The following CADM1 variants were observed in gnomAD, a reference collection of about 807,000 sequenced individuals.
CADM1 encodes cell adhesion molecule 1, also known as TSLC-1.
CADM1 carries 15 observed loss-of-function variants against 53.1 expected under a neutral mutation model. That is an observed-to-expected ratio of 0.28 (90% confidence interval 0.19 to 0.44). CADM1 has a LOEUF of 0.44. CADM1 is among the 20% of genes least tolerant of loss of function. The pLI is 1.00. For missense variants in CADM1, 434 were observed against 611.3 expected, an observed-to-expected ratio of 0.71 and a Z score of 3.06; for synonymous variants, 281 against 243.0, an observed-to-expected ratio of 1.16 and a Z score of -1.45.
intron 1 of CADM1, among the ~76,000 whole-genome samples, chr11:115,268,994 C>A (rs908547958): frequency 6.6e-6 from 1 of 152,156 alleles, no homozygotes; most frequent in African/African-American, 2.4e-5. Context: ...GGTAAACATG[C>A]TTGGGTGTCA....
chr11:115,347,958 C>T (rs4938200), intron 1 of CADM1, among the ~76,000 whole-genome samples: 49,013 of 151,964 alleles, frequency 0.32, 9,015 homozygotes, highest in Non-Finnish European at 0.43. Context: ...AAAAATAAGG[C>T]GAACATATGA....
intron 7 of CADM1, among the ~76,000 whole-genome samples, chr11:115,210,439 C>CCTCT (rs1365948082): frequency 6.6e-6 from 1 of 152,136 alleles, no homozygotes; most frequent in Non-Finnish European, 1.5e-5. Context: ...GATAGGGAAC[C>CCTCT]CTCTGTCAGA....
Position 115,434,695 on chromosome 11 carries a change from G to T in CADM1, c.124+69576C>A, listed in dbSNP as rs538379123. ...TTGGTCACCATCAGCCCTTCCTGTG[G>T]CTGGTTTTCACCTCTCCCCCTTGCC... On this transcript the variant is annotated intron_variant, in intron 1 of 11. Transcript: ENST00000331581. 7.9e-5 allele frequency among the ~76,000 whole-genome samples: 12 copies of T among 152,078 alleles called. No homozygotes were observed. The South Asian group carries it at 2.3e-3, about 29-fold the overall frequency.
chr11:115,191,134 G>A, intron 9 of CADM1, 193 bp from the exon 10 acceptor site: 1 of 573,186 alleles, frequency 1.7e-6, no homozygotes, highest in Non-Finnish European at 3.1e-6. Context: ...ACGCAATCGA[G>A]GCAGAAAGAT....
At chr11:115,423,030 GT>G (rs34396473) in intron 1 of CADM1, among the ~76,000 whole-genome samples, 2,344 of 142,074 alleles carry the variant, frequency 0.016, 54 homozygotes, top group African/African-American at 0.055. Context: ...GCTACGGTCT[GT>G]TTTTTTTTTT....
intron 1 of CADM1, among the ~76,000 whole-genome samples, chr11:115,342,360 G>A (rs1384704630): frequency 6.6e-6 from 1 of 152,150 alleles, no homozygotes; most frequent in Non-Finnish European, 1.5e-5. Flanking sequence ...GTAGTATCAT[G>A]TTTCTGAGAG....
intron 1 of CADM1, among the ~76,000 whole-genome samples, chr11:115,267,896 G>A (rs1011838543): frequency 2.6e-5 from 4 of 151,782 alleles, no homozygotes; most frequent in East Asian, 1.9e-4. Context: ...CACGGTCACC[G>A]GGCTGAATTC....
chr11:115,202,247 T>C (rs1284174526), intron 8 of CADM1, among the ~76,000 whole-genome samples: 1 of 151,930 alleles, frequency 6.6e-6, no homozygotes, highest in Admixed American at 6.6e-5. Flanking sequence ...GAAACAGTCA[T>C]GTGTAAGCTC....
chr11:115,434,840 T>C (rs1044183734), intron 1 of CADM1, among the ~76,000 whole-genome samples: 3 of 149,374 alleles, frequency 2.0e-5, no homozygotes, highest in African/African-American at 7.3e-5. Flanking sequence ...CTCTAAGTAT[T>C]TTATTTTATT....
At chr11:115,396,154 T>C (rs1427750339) in intron 1 of CADM1, among the ~76,000 whole-genome samples, 1 of 152,220 alleles carries the variant, frequency 6.6e-6, no homozygotes, top group Non-Finnish European at 1.5e-5. Flanking sequence ...AAAATTTGAC[T>C]TCAAAGATGC....
rs146670477 is a variant in CADM1 at position 115,484,111 on chromosome 11, A to G, written c.124+20160T>C. Among the ~76,000 whole-genome samples, 34 of 152,250 alleles carry G rather than the reference A, an allele frequency of 2.2e-4. 1 individual carries two copies. In the East Asian group the frequency reaches 5.8e-3, roughly 26 times the overall value. On this transcript the variant is annotated intron_variant, in intron 1 of 11. Transcript: ENST00000331581. The stretch of plus-strand genomic sequence containing the variant: ...AGGAGTTAAGAAAATGCAGACTACA[A>G]CTCAGCATGTTTCCACATTAGGCCT...
chr11:115,290,952 G>C (rs1407859459), intron 1 of CADM1, among the ~76,000 whole-genome samples: 3 of 152,264 alleles, frequency 2.0e-5, no homozygotes, highest in Non-Finnish European at 1.5e-5. Context: ...TCTCCAAATA[G>C]AATAGCGCAG....
intron 1 of CADM1, among the ~76,000 whole-genome samples, chr11:115,291,325 GA>G (rs1445325275): frequency 6.6e-6 from 1 of 152,108 alleles, no homozygotes; most frequent in South Asian, 2.1e-4. Context: ...AGGCTTTGTA[GA>G]AAAAAACCCT....
intron 1 of CADM1, among the ~76,000 whole-genome samples, chr11:115,423,217 T>C (rs1947803488): frequency 6.6e-6 from 1 of 152,126 alleles, no homozygotes; most frequent in Non-Finnish European, 1.5e-5. Flanking sequence ...TTCCATTAAG[T>C]GACAAAATCA....
intron 1 of CADM1, among the ~76,000 whole-genome samples, chr11:115,488,140 C>T (rs1056682393): frequency 6.6e-6 from 1 of 152,052 alleles, no homozygotes; most frequent in African/African-American, 2.4e-5. Flanking sequence ...AATCCACTCA[C>T]AATGCCTAAG....
chr11:115,221,858 C>A (rs565448919), intron 5 of CADM1, among the ~76,000 whole-genome samples: 1 of 152,194 alleles, frequency 6.6e-6, no homozygotes, highest in East Asian at 1.9e-4. Context: ...AGGAGACATG[C>A]CAGCGGGAGA....
intron 1 of CADM1, among the ~76,000 whole-genome samples, chr11:115,342,194 T>C (rs1945467223): frequency 6.6e-6 from 1 of 152,202 alleles, no homozygotes; most frequent in Non-Finnish European, 1.5e-5. Flanking sequence ...CATATACTTG[T>C]AAAGCCTTGC....
At chr11:115,220,690 A>G (rs1404718428) in intron 5 of CADM1, among the ~76,000 whole-genome samples, 1 of 150,932 alleles carries the variant, frequency 6.6e-6, no homozygotes, top group Non-Finnish European at 1.5e-5. Flanking sequence ...TAGGAATCAA[A>G]TATTATAGAA....
intron 11 of CADM1, among the ~76,000 whole-genome samples, chr11:115,178,137 G>A (rs902359693): frequency 5.3e-5 from 8 of 152,084 alleles, no homozygotes; most frequent in Non-Finnish European, 7.4e-5. Flanking sequence ...ATATTTATGC[G>A]GCTTTTAAGG....
Sources: gnomAD v4.1 joint callset for allele counts (sites outside exome capture counted in the v4.1 genomes callset) on GRCh38, gnomAD v4.1.1 for gene constraint, MANE v1.5 for transcripts, NCBI Gene and HGNC (gene_info 2026-07-23, HGNC 2026-07-21) for gene names.